The following VPS13B variants were observed in gnomAD, a reference collection of about 807,000 sequenced individuals.
The protein encoded by VPS13B is intermembrane lipid transfer protein VPS13B.
Under a neutral mutation model 426.4 loss-of-function variants are expected in VPS13B, and 285 were observed. That is an observed-to-expected ratio of 0.67 (90% confidence interval 0.61 to 0.74). The LOEUF is 0.74. VPS13B is among the 30% of genes least tolerant of loss of function. The pLI, the probability that VPS13B is intolerant of heterozygous loss-of-function variation, is 0.00. For synonymous variants in VPS13B, 1,676 were observed against 1,676.4 expected (o/e 1.00, Z 0.01); for missense variants, 4,537 against 4,782.6 (o/e 0.95, Z 1.51).
chr8:99,348,732 C>T (rs1429544358), intron 19 of VPS13B, among the ~76,000 whole-genome samples: 5 of 151,994 alleles, frequency 3.3e-5, no homozygotes, highest in Non-Finnish European at 5.9e-5. Flanking sequence ...CTAACAAATG[C>T]CTTTATTTTT....
At chr8:99,571,260 G>A (rs1012880451) in intron 31 of VPS13B, among the ~76,000 whole-genome samples, 4 of 151,910 alleles carry the variant, frequency 2.6e-5, no homozygotes, top group Non-Finnish European at 4.4e-5. Context: ...ACTGTTATAT[G>A]GTAAAATATT....
chr8:99,407,072 C>G (rs912676130), intron 21 of VPS13B, among the ~76,000 whole-genome samples: 1 of 152,040 alleles, frequency 6.6e-6, no homozygotes. Flanking sequence ...TGACTTTCTA[C>G]CAGAGATTCA....
At chr8:99,752,742 C>T (rs1172169398) in intron 39 of VPS13B, among the ~76,000 whole-genome samples, 1 of 152,156 alleles carries the variant, frequency 6.6e-6, no homozygotes, top group South Asian at 2.1e-4. Context: ...TTCACATTAT[C>T]AAGAGTTATT....
chr8:99,022,835 A>G (rs1841963066), intron 2 of VPS13B, among the ~76,000 whole-genome samples: 1 of 152,046 alleles, frequency 6.6e-6, no homozygotes, highest in African/African-American at 2.4e-5. Flanking sequence ...ATTGTTTAAT[A>G]TACTTGAAAA....
intron 19 of VPS13B, among the ~76,000 whole-genome samples, chr8:99,299,585 A>ATT (rs527957296): frequency 6.8e-6 from 1 of 146,394 alleles, no homozygotes; most frequent in South Asian, 2.2e-4. Flanking sequence ...AAACTTACAG[A>ATT]TTTTTTTTTT....
intron 30 of VPS13B, among the ~76,000 whole-genome samples, chr8:99,543,025 C>A (rs1250058782): frequency 1.3e-5 from 2 of 152,116 alleles, no homozygotes; most frequent in Non-Finnish European, 2.9e-5. Context: ...GCCAAAAGAA[C>A]AAAGCTGGAG....
chr8:99,871,853 G>A (rs548268065), intron 61 of VPS13B, among the ~76,000 whole-genome samples, 156 bp downstream of exon 61: 7 of 152,334 alleles, frequency 4.6e-5, no homozygotes, highest in South Asian at 2.1e-4. Flanking sequence ...TGTAGAGGCC[G>A]GAGGGCCGCT....
chr8:99,417,244 T>C (rs1816071910), intron 21 of VPS13B, among the ~76,000 whole-genome samples: 1 of 152,176 alleles, frequency 6.6e-6, no homozygotes, highest in South Asian at 2.1e-4. Context: ...CCCGACTCCT[T>C]ATAAATAATG....
intron 30 of VPS13B, among the ~76,000 whole-genome samples, chr8:99,547,645 A>G (rs1824058650): frequency 6.6e-6 from 1 of 152,102 alleles, no homozygotes; most frequent in African/African-American, 2.4e-5. Context: ...GTTTCCTGTT[A>G]TATACTTAAA....
At position 99,103,037 on chromosome 8, in the gene VPS13B, A is replaced by C. The variant is rs1186481803; in HGVS notation, c.497A>C (p.Asp166Ala). 1.2e-6 allele frequency: 2 copies of C among 1,613,772 alleles called. No homozygotes were observed. Among genetic ancestry groups the C allele is most frequent in the Non-Finnish European group, 1.7e-6 (2 of 1,179,704 alleles). The change falls in exon 5 of 62, where the codon GAT becomes GCT. Residue 166 changes from aspartate to alanine, a missense_variant. By Grantham distance (126) the Asp-to-Ala change is moderately radical (BLOSUM62 -2). Transcript: ENST00000357162. ...NNLILKYVED[D>A]IVLSVNITSA... The stretch of plus-strand genomic sequence containing the variant: ...CTCATACTAAAATATGTTGAAGATG[A>C]TATCGTCCTTTCCGTCAATATCACT...
At chr8:99,625,811 A>G (rs1828587197) in intron 33 of VPS13B, among the ~76,000 whole-genome samples, 1 of 152,110 alleles carries the variant, frequency 6.6e-6, no homozygotes, top group Admixed American at 6.5e-5. Flanking sequence ...ACGCCACTGT[A>G]CTCCAGCCTG....
intron 19 of VPS13B, chr8:99,340,714 A>G (rs1811192721): frequency 2.7e-6 from 1 of 369,194 alleles, no homozygotes; most frequent in South Asian, 2.5e-5. Flanking sequence ...CAGGTTCAGG[A>G]GCAGCCTGGG....
At chr8:99,818,406 A>G in intron 45 of VPS13B, 45 bp from the exon 46 acceptor site, 2 of 1,549,112 alleles carry the variant, frequency 1.3e-6, no homozygotes, top group Non-Finnish European at 1.8e-6. Context: ...ATTAATTAGT[A>G]AACTGCTTAG....
intron 26 of VPS13B, 121 bp from the exon 27 acceptor site, chr8:99,502,715 T>C: frequency 1.3e-6 from 1 of 795,748 alleles, no homozygotes; most frequent in East Asian, 2.4e-5. Context: ...CTAGAAGCTT[T>C]TGTGATCTCA....
At chr8:99,023,895 T>C (rs1842019750) in intron 2 of VPS13B, among the ~76,000 whole-genome samples, 1 of 152,232 alleles carries the variant, frequency 6.6e-6, no homozygotes, top group Non-Finnish European at 1.5e-5. Flanking sequence ...ATCTCTGTCA[T>C]ACTAATTTTA....
intron 39 of VPS13B, among the ~76,000 whole-genome samples, chr8:99,728,232 A>G (rs190827080): frequency 6.6e-6 from 1 of 152,370 alleles, no homozygotes; most frequent in East Asian, 1.9e-4. Flanking sequence ...ACCAATGGCT[A>G]GATCTTGAAT....
intron 19 of VPS13B, among the ~76,000 whole-genome samples, chr8:99,322,211 C>T (rs891685379): frequency 1.3e-5 from 2 of 152,102 alleles, no homozygotes; most frequent in Admixed American, 1.3e-4. Context: ...TAGTTTAGAG[C>T]AAAATAGCCA....
intron 19 of VPS13B, chr8:99,347,649 C>T (rs1400432542): frequency 6.6e-6 from 1 of 152,330 alleles, no homozygotes; most frequent in African/African-American, 2.4e-5. Context: ...CTGTCAGCTT[C>T]ACACCATTCA....
intron 30 of VPS13B, chr8:99,536,730 T>C (rs759382255): frequency 5.6e-6 from 3 of 534,158 alleles, no homozygotes; most frequent in South Asian, 4.2e-5. Flanking sequence ...AGCATGTCTT[T>C]GGCATTAAAC....
Sources: gnomAD v4.1 joint callset for allele counts (sites outside exome capture counted in the v4.1 genomes callset) on GRCh38, gnomAD v4.1.1 for gene constraint, MANE v1.5 for transcripts, NCBI Gene and HGNC (gene_info 2026-07-23, HGNC 2026-07-21) for gene names.